Variants in STK3 observed in about 807,000 individuals in gnomAD.
STK3 encodes the protein serine/threonine kinase 3, also known as serine/threonine-protein kinase 3.
A neutral mutation model predicts 58.0 loss-of-function variants in STK3; 41 were observed. That is an observed-to-expected ratio of 0.71 (90% confidence interval 0.55 to 0.92). The LOEUF (loss-of-function observed/expected upper bound fraction) is 0.92, where lower values mean the gene tolerates loss of function less well. Among genes scored for constraint, STK3 ranks in the 40% least tolerant of loss-of-function variants. STK3 has a pLI of 0.00. For missense variants in STK3, 479 were observed against 602.7 expected (o/e 0.79, Z 2.15); for synonymous variants, 170 against 191.0 (o/e 0.89, Z 0.91).
chr8:98,713,656 C>G (rs571168923), intron 4 of STK3, among the ~76,000 whole-genome samples: 43 of 152,108 alleles, frequency 2.8e-4, no homozygotes, highest in African/African-American at 9.4e-4. Flanking sequence ...ACCAAAAAAA[C>G]TCCAGGACCA....
chr8:98,433,302 C>T lies in STK3; in HGVS notation n.483+825G>A, dbSNP rs577251803. On this transcript the variant is annotated intron_variant and non_coding_transcript_variant, in intron 3 of 3. Transcript: ENST00000517832. ...CCTGCCCTGCCAGCCCCAACCTGTCCCAAAGTACCACTCTCCCTGCTGCCG... is the reference window on the plus strand; with the variant it reads ...CCTGCCCTGCCAGCCCCAACCTGTCTCAAAGTACCACTCTCCCTGCTGCCG... Among the ~76,000 whole-genome samples the T allele has an allele frequency of 1.5e-3, 227 of 152,238 alleles. 1 individual carries two copies. Among genetic ancestry groups the T allele is most frequent in the Middle Eastern group, 3.4e-3 (1 of 294 alleles).
the STK3 span, among the ~76,000 whole-genome samples, chr8:98,347,839 G>A: frequency 0.62 from 93,714 of 151,944 alleles, 29,824 homozygotes; most frequent in African/African-American, 0.78. Flanking sequence ...GTTCTTTCCA[G>A]CTTGTTGTAA....
intron 1 of STK3, among the ~76,000 whole-genome samples, chr8:98,810,246 G>C (rs564256910): frequency 1.6e-3 from 238 of 152,218 alleles, no homozygotes; most frequent in Middle Eastern, 3.4e-3. Context: ...ATTTGGGCAG[G>C]GATACAGATC....
chr8:98,428,540 G>A lies in STK3; in HGVS notation n.483+5587C>T. 4 of 1,614,164 alleles carry A rather than the reference G, an allele frequency of 2.5e-6. No individual in the cohort carries two copies. Among genetic ancestry groups the A allele is most frequent in the Non-Finnish European group, 3.4e-6 (4 of 1,180,030 alleles). On this transcript the variant is annotated intron_variant and non_coding_transcript_variant, in intron 3 of 3. Coordinates refer to the STK3 transcript ENST00000517832. This position sits in a 1 kb window ranked among gnomAD's most constrained non-coding sequence, Gnocchi z 6.7. ...ACCCCGGCTACTCAGTGCTGAGCAG[G>A]GTCTTCAGCATCCTGTCCATCCTGG...
chr8:98,386,783 C>T (rs921754732), intron 1 of STK3, among the ~76,000 whole-genome samples: 16 of 152,034 alleles, frequency 1.1e-4, no homozygotes, highest in African/African-American at 2.4e-5. Context: ...AGTTGAAGAC[C>T]GGCCTGGCAA....
intron 4 of STK3, among the ~76,000 whole-genome samples, chr8:98,724,937 A>G (rs2131208786): frequency 6.6e-6 from 1 of 152,310 alleles, no homozygotes; most frequent in African/African-American, 2.4e-5. Flanking sequence ...CTTAGTTAGC[A>G]TCCTCTCAGT....
chr8:98,620,998 C>A (rs907753278), intron 6 of STK3, among the ~76,000 whole-genome samples: 1 of 146,340 alleles, frequency 6.8e-6, no homozygotes, highest in African/African-American at 2.5e-5. Context: ...GGCGGGATCT[C>A]GGCTCACTGC....
At chr8:98,387,606 G>A (rs369624295) in intron 1 of STK3, among the ~76,000 whole-genome samples, 23 of 152,232 alleles carry the variant, frequency 1.5e-4, no homozygotes, top group African/African-American at 4.8e-4. Flanking sequence ...AAATTAGCCA[G>A]GCATGATGGT....
At chr8:98,712,434 G>A (rs1292983433) in intron 4 of STK3, among the ~76,000 whole-genome samples, 1 of 151,976 alleles carries the variant, frequency 6.6e-6, no homozygotes, top group African/African-American at 2.4e-5. Context: ...AAAGGATGGA[G>A]GAAGATCTAC....
chr8:98,480,011 A>G (rs1238621067), intron 10 of STK3, among the ~76,000 whole-genome samples: 1 of 152,196 alleles, frequency 6.6e-6, no homozygotes, highest in East Asian at 1.9e-4. Context: ...AATTGATTGG[A>G]AAAAGGTCAG....
At chr8:98,533,356 A>G (rs909841429) in intron 9 of STK3, among the ~76,000 whole-genome samples, 1 of 152,120 alleles carries the variant, frequency 6.6e-6, no homozygotes. Flanking sequence ...GTTGAGCCTA[A>G]TCTCTGATTA....
chr8:98,708,331 T>C (rs1328529578), intron 4 of STK3, among the ~76,000 whole-genome samples: 1 of 152,010 alleles, frequency 6.6e-6, no homozygotes, highest in African/African-American at 2.4e-5. Flanking sequence ...TTGATGAAAA[T>C]GAAACCAACA....
intron 1 of STK3, chr8:98,904,967 T>C: frequency 2.8e-6 from 2 of 724,854 alleles, no homozygotes; most frequent in South Asian, 2.7e-5. Flanking sequence ...CCGCTGCTGC[T>C]ACTGCCTCGT....
At chr8:98,931,001 G>A (rs1307541724) in intron 1 of STK3, among the ~76,000 whole-genome samples, 1 of 152,196 alleles carries the variant, frequency 6.6e-6, no homozygotes, top group African/African-American at 2.4e-5. Flanking sequence ...CTCAGATCAA[G>A]TTCCTAACCC....
intron 1 of STK3, among the ~76,000 whole-genome samples, chr8:98,908,198 T>TATCA (rs1838988700): frequency 6.6e-6 from 1 of 152,380 alleles, no homozygotes; most frequent in East Asian, 1.9e-4. Context: ...ACTCTGATTC[T>TATCA]ATCATTTCTT....
chr8:98,500,295 G>T (rs531895101), intron 10 of STK3, among the ~76,000 whole-genome samples: 20 of 152,286 alleles, frequency 1.3e-4, no homozygotes, highest in African/African-American at 4.8e-4. Context: ...ACTTTGGGAG[G>T]CCGAGGCAGG....
chr8:98,724,119 A>T (rs1390557870), intron 4 of STK3, among the ~76,000 whole-genome samples: 2 of 152,186 alleles, frequency 1.3e-5, no homozygotes, highest in Non-Finnish European at 2.9e-5. Context: ...GGAACAATTA[A>T]TTACAATACT....
intron 8 of STK3, among the ~76,000 whole-genome samples, chr8:98,567,157 C>A (rs1380781382): frequency 6.6e-6 from 1 of 152,078 alleles, no homozygotes; most frequent in Non-Finnish European, 1.5e-5. Flanking sequence ...ATAACCTAGA[C>A]AAAATTATTG....
At chr8:98,558,280 T>TA (rs1811751613) in intron 8 of STK3, among the ~76,000 whole-genome samples, 1 of 152,146 alleles carries the variant, frequency 6.6e-6, no homozygotes, top group African/African-American at 2.4e-5. Flanking sequence ...CAAATAGGTT[T>TA]ATAAAATAGG....
Sources: allele counts gnomAD v4.1 joint callset (sites outside exome capture counted in the v4.1 genomes callset), GRCh38; gene constraint gnomAD v4.1.1; non-coding constraint Gnocchi (gnomAD v3.1); transcripts MANE v1.5; gene names NCBI Gene and HGNC (gene_info 2026-07-23, HGNC 2026-07-21).